The following OVOL1 variants were observed in gnomAD, a reference collection of about 807,000 sequenced individuals.
OVOL1 encodes ovo like transcriptional repressor 1, also known as putative transcription factor Ovo-like 1.
Under a neutral mutation model 21.5 loss-of-function variants are expected in OVOL1, and 10 were observed. That is an observed-to-expected ratio of 0.46 (90% CI 0.29 to 0.79). The LOEUF (loss-of-function observed/expected upper bound fraction) is 0.79. OVOL1 is among the 30% of genes least tolerant of loss of function. OVOL1 has a pLI of 0.10. For missense variants in OVOL1, 279 were observed against 362.3 expected, an observed-to-expected ratio of 0.77 and a Z score of 1.87; for synonymous variants, 129 against 150.3, an observed-to-expected ratio of 0.86 and a Z score of 1.03.
chr11:65,794,278 CG>C, intron 2 of OVOL1, 30 bp downstream of exon 2: 3 of 1,574,462 alleles, frequency 1.9e-6, no homozygotes, highest in Non-Finnish European at 8.7e-7. Context: ...CTCCGAGGGC[CG>C]GGGGCGTGCA....
In OVOL1 at chr11:65,795,297, C is replaced by T. The variant is rs1328116307; in HGVS notation, c.760C>T (p.Gln254Ter). ...CTCCAAGAAGGTGGCCGTGGCACTA[C>T]AGAACACTGTCACTTCCCTGCTGCA... is the stretch of plus-strand genomic sequence containing the variant. ...KTSKKVAVALQNTVTSLLQGS... is the reference protein window; with the variant it reads ...KTSKKVAVAL Residue 254 changes from glutamine to a stop codon, truncating the protein, a stop_gained, in exon 4 of 4, where the codon CAG becomes TAG. Coordinates refer to ENST00000335987, the MANE Select transcript of OVOL1 (RefSeq NM_004561.4). LOFTEE classifies it high-confidence loss of function. The surrounding 1 kb of genome is among the most constrained non-coding windows in gnomAD (Gnocchi z 5.7). The T allele has an allele frequency of 3.1e-6, 5 of 1,611,964 alleles. No individual in the cohort carries two copies. The highest frequency in any genetic ancestry group is 1.7e-5 in the Admixed American group (1 of 59,838).
At chr11:65,787,535 C>A in intron 1 of OVOL1, 62 bp downstream of exon 1, 2 of 879,450 alleles carry the variant, frequency 2.3e-6, no homozygotes, top group Non-Finnish European at 3.0e-6. Flanking sequence ...TGCGGGCGGG[C>A]GGGCGGGCGC....
chr11:65,791,045 C>A (rs376607885), intron 1 of OVOL1, among the ~76,000 whole-genome samples: 97 of 152,284 alleles, frequency 6.4e-4, no homozygotes, highest in African/African-American at 2.2e-3. Context: ...CTGTTCTGGG[C>A]GGGCACCCTG....
At chr11:65,793,930 A>T (rs897920676) in intron 1 of OVOL1, 101 bp from the exon 2 acceptor site, 1 of 855,536 alleles carries the variant, frequency 1.2e-6, no homozygotes, top group South Asian at 1.6e-5. Flanking sequence ...GGAGGGACGG[A>T]GTCTCCAGGT....
Position 65,795,434 on chromosome 11 carries a change from C to A in OVOL1, c.*93C>A. 8.5e-7 allele frequency: 1 copy of A among 1,173,836 alleles called. No homozygotes were observed. Among genetic ancestry groups the A allele is most frequent in the Non-Finnish European group, 1.2e-6 (1 of 833,748 alleles). 72.7% of individuals were successfully genotyped at this position (1,173,836 alleles called of 1,614,324 possible). ...GCCAGCCCACCCTCCTGCAACCTCT[C>A]ACCCGAACACCAGTGATCAGGACTG... is the stretch of plus-strand genomic sequence containing the variant. On this transcript the variant is annotated 3_prime_UTR_variant, in exon 4 of 4. Transcript: ENST00000335987. The surrounding 1 kb of genome is among the most constrained non-coding windows in gnomAD (Gnocchi z 5.7).
chr11:65,794,675 G>A lies in OVOL1; in HGVS notation c.456G>A (p.Gly152=), dbSNP rs1484054439. 2 of 1,613,650 alleles carry A rather than the reference G, an allele frequency of 1.2e-6. No homozygotes were observed. Among genetic ancestry groups the A allele is most frequent in the Admixed American group, 1.7e-5 (1 of 60,008 alleles). Residue 152 remains glycine, a synonymous_variant, in exon 3 of 4, where the codon GGG becomes GGA. Coordinates refer to ENST00000335987, the MANE Select transcript of OVOL1 (RefSeq NM_004561.4). ...DVKRHLCTYC[G]KGFNDTFDLK... ...AGAGGCACCTCTGCACGTACTGCGG[G>A]AAGGGCTTCAATGACACCTTCGACC...
chr11:65,795,353 C>G lies in OVOL1; in HGVS notation c.*12C>G, dbSNP rs769867042. The G allele has an allele frequency of 1.3e-6, 2 of 1,566,676 alleles. No individual in the cohort carries two copies. Among genetic ancestry groups the G allele is most frequent in the South Asian group, 1.2e-5 (1 of 86,644 alleles). ...GCCCCCACCTGTGAGTGGCTCGAGC[C>G]CTGGGGGTGCTCCTGGAAGCCCCAA... On this transcript the variant is annotated 3_prime_UTR_variant, in exon 4 of 4. Coordinates refer to ENST00000335987, the MANE Select transcript of OVOL1 (RefSeq NM_004561.4). This position sits in a 1 kb window ranked among gnomAD's most constrained non-coding sequence, Gnocchi z 5.7.
rs763456276 is a variant in OVOL1, at chr11:65,789,563, G to A, written c.100+2090G>A. On this transcript the variant is annotated intron_variant, in intron 1 of 3. Transcript: ENST00000335987. ...AGGGACTGTCCTCAGTCCACGCTCG[G>A]GTGCCTCAGATGGCTGGAGAGTGGG... is the stretch of plus-strand genomic sequence containing the variant. The A allele has an allele frequency of 5.4e-5, 31 of 569,448 alleles. No individual in the cohort carries two copies. In the Middle Eastern group the frequency reaches 3.5e-3, roughly 64 times the overall value. 35.3% of individuals were successfully genotyped at this position (569,448 alleles called of 1,614,324 possible). A position where few individuals can be genotyped will look rare whatever the true frequency, so the allele number is the denominator to read the frequency against.
At chr11:65,794,271 C>T (rs149302998) in intron 2 of OVOL1, 23 bp downstream of exon 2, 43 of 1,595,852 alleles carry the variant, frequency 2.7e-5, no homozygotes, top group Middle Eastern at 3.3e-4. Context: ...GCGCTGTCTC[C>T]GAGGGCCGGG....
chr11:65,794,944 G>T lies in OVOL1; in HGVS notation c.509-102G>T, dbSNP rs182363781. ...TTGGACAGGCCTCCGTCCATCCCTTGGCCCTAGAGGCAGGGGTCCTGTCCT... is the reference window on the plus strand; with the variant it reads ...TTGGACAGGCCTCCGTCCATCCCTTTGCCCTAGAGGCAGGGGTCCTGTCCT... On this transcript the variant is annotated intron_variant, in intron 3 of 3. Coordinates refer to ENST00000335987, the MANE Select transcript of OVOL1 (RefSeq NM_004561.4). The T allele has an allele frequency of 1.2e-4, 144 of 1,237,220 alleles. No individual in the cohort carries two copies. The African/African-American group carries it at 1.7e-3, about 15-fold the overall frequency. 76.6% of individuals were successfully genotyped at this position (1,237,220 alleles called of 1,614,324 possible). A position where few individuals can be genotyped will look rare whatever the true frequency, so the allele number is the denominator to read the frequency against.
intron 1 of OVOL1, chr11:65,788,475 G>C (rs1027753423): frequency 1.0e-6 from 1 of 982,880 alleles, no homozygotes. Flanking sequence ...CCCCTCCGAG[G>C]GGGGAGGGGA....
intron 1 of OVOL1, among the ~76,000 whole-genome samples, chr11:65,791,626 G>A (rs1336298737): frequency 6.6e-6 from 1 of 152,212 alleles, no homozygotes; most frequent in Non-Finnish European, 1.5e-5. Context: ...AGCTGCCCTG[G>A]ACACAGTCCC....
chr11:65,791,396 G>C (rs557853552), intron 1 of OVOL1, among the ~76,000 whole-genome samples: 31 of 152,360 alleles, frequency 2.0e-4, no homozygotes, highest in African/African-American at 7.2e-4. Flanking sequence ...CCATGTTCTG[G>C]GGCAGCACCC....
chr11:65,789,810 A>T lies in OVOL1; in HGVS notation c.100+2337A>T, dbSNP rs1056904391. 2.6e-5 allele frequency: 15 copies of T among 587,146 alleles called. No individual in the cohort carries two copies. The African/African-American group carries it at 3.0e-4, about 12-fold the overall frequency. 36.4% of individuals were successfully genotyped at this position (587,146 alleles called of 1,614,324 possible). ...CTCTGAGACCCTCAAAGCCTCCCAG[A>T]AGGTTTTGGGAGAAGGTTTTACAGG... On this transcript the variant is annotated intron_variant, in intron 1 of 3. Coordinates refer to ENST00000335987, the MANE Select transcript of OVOL1 (RefSeq NM_004561.4).
At chr11:65,788,527 T>TC in intron 1 of OVOL1, 1 of 985,024 alleles carries the variant, frequency 1.0e-6, no homozygotes, top group Non-Finnish European at 1.2e-6. Flanking sequence ...ATCTGCAGAC[T>TC]CCCTGGCACC....
intron 1 of OVOL1, among the ~76,000 whole-genome samples, chr11:65,793,287 G>C (rs1375528095): frequency 2.0e-5 from 3 of 152,212 alleles, no homozygotes; most frequent in African/African-American, 7.2e-5. Context: ...AGGGCTGCCA[G>C]GTATCGGTGC....
rs1858106880 is a variant in OVOL1, at chr11:65,795,201, T to C, written c.664T>C (p.Ser222Pro). The C allele has an allele frequency of 6.2e-7, 1 of 1,613,178 alleles. No homozygotes were observed. Among genetic ancestry groups the C allele is most frequent in the Non-Finnish European group, 8.5e-7 (1 of 1,179,980 alleles). Residue 222 changes from serine to proline, a missense_variant, in exon 4 of 4, where the codon TCT becomes CCT. By Grantham distance (74) the Ser-to-Pro change is moderately conservative (BLOSUM62 -1). Transcript: ENST00000335987. The surrounding 1 kb of genome is among the most constrained non-coding windows in gnomAD (Gnocchi z 5.7). ...CGTGTGTGAGGAGTGCGGCTGCACA[T>C]CTGAGAGCCAGGAGGGCCACGTCCT... is the stretch of plus-strand genomic sequence containing the variant. ...LYVCEECGCT[S>P]ESQEGHVLHL...
chr11:65,794,092 C>T lies in OVOL1; in HGVS notation c.162C>T (p.Pro54=), dbSNP rs1182230753. ...AGCCGGAACCCTCTGTGGCCGAACCCCCTTCCTGCCCGCTGGCTTTGAACA... is the reference window on the plus strand; with the variant it reads ...AGCCGGAACCCTCTGTGGCCGAACCTCCTTCCTGCCCGCTGGCTTTGAACA... ...YREPEPSVAE[P]PSCPLALNMS... is the part of the protein sequence containing the mutation. Residue 54 remains proline, a synonymous_variant, in exon 2 of 4, where the codon CCC becomes CCT. Coordinates refer to ENST00000335987, the MANE Select transcript of OVOL1 (RefSeq NM_004561.4). 2 of 1,614,024 alleles carry T rather than the reference C, an allele frequency of 1.2e-6. No individual in the cohort carries two copies. Among genetic ancestry groups the T allele is most frequent in the Non-Finnish European group, 1.7e-6 (2 of 1,180,022 alleles).
intron 1 of OVOL1, among the ~76,000 whole-genome samples, chr11:65,793,332 C>T (rs944560185): frequency 3.3e-5 from 5 of 152,334 alleles, no homozygotes; most frequent in Admixed American, 2.6e-4. Flanking sequence ...CGACATGCCC[C>T]GGCGAGCGGT....
Sources: allele counts gnomAD v4.1 joint callset (sites outside exome capture counted in the v4.1 genomes callset), GRCh38; gene constraint gnomAD v4.1.1; non-coding constraint Gnocchi (gnomAD v3.1); transcripts MANE v1.5; gene names NCBI Gene and HGNC (gene_info 2026-07-23, HGNC 2026-07-21).